RPL37: variants seen among roughly 807,000 people sequenced by gnomAD.
The protein encoded by RPL37 is ribosomal protein L37.
A neutral mutation model predicts 14.8 loss-of-function variants in RPL37; 1 was observed. The observed-to-expected ratio is 0.07, with a 90% CI of 0.02 to 0.32. The LOEUF (loss-of-function observed/expected upper bound fraction) is 0.32, where lower values mean the gene tolerates loss of function less well. RPL37 is among the 10% of genes least tolerant of loss of function. RPL37 has a pLI of 1.00. For missense variants in RPL37, 100 were observed against 128.3 expected, an observed-to-expected ratio of 0.78 and a Z score of 1.06; for synonymous variants, 53 against 45.8, an observed-to-expected ratio of 1.16 and a Z score of -0.63.
chr5:40,832,721 C>T (rs1317030467), intron 3 of RPL37, 148 bp from the exon 4 acceptor site: 1 of 765,468 alleles, frequency 1.3e-6, no homozygotes, highest in Admixed American at 1.7e-5. Context: ...ATTTTTACAA[C>T]ATCACTGATA....
rs1745719831 is a variant in RPL37 at position 40,834,526 on chromosome 5, G to A, written c.84C>T (p.His28=). Residue 28 remains histidine, a synonymous_variant, in exon 2 of 4, where the codon CAC becomes CAT. Transcript: ENST00000274242. ...LCRRCGSKAY[H]LQKSTCGKCG... is the part of the protein sequence containing the mutation. ...ATTTGCCACAGGTCGACTTCTGAAGGTGGTAGGCCTTAGAGCCACAGCGGC... is the reference window on the plus strand; with the variant it reads ...ATTTGCCACAGGTCGACTTCTGAAGATGGTAGGCCTTAGAGCCACAGCGGC... 6.2e-7 allele frequency: 1 copy of A among 1,614,048 alleles called. No homozygotes were observed. Among genetic ancestry groups the A allele is most frequent in the African/African-American group, 1.3e-5 (1 of 74,932 alleles).
At position 40,827,147 on chromosome 5, in the gene RPL37, G is replaced by C. The variant is rs1745534098; in HGVS notation, c.*5357C>G. 1 of 152,160 alleles carries C rather than the reference G, an allele frequency of 6.6e-6. No individual in the cohort carries two copies. The highest frequency in any genetic ancestry group is 1.9e-4 in the East Asian group (1 of 5,190). The allele number at this position is 152,160 out of a possible 1,614,324, so 9.4% of individuals were successfully genotyped here. A position where few individuals can be genotyped will look rare whatever the true frequency, so the allele number is the denominator to read the frequency against. ...TACCCAGCAGGGAACCTCCAAAGAG[G>C]TCATACAAATGCCTGAGACAGAAAA... On this transcript the variant is annotated 3_prime_UTR_variant, in exon 4 of 4. Transcript: ENST00000274242.
At position 40,831,626 on chromosome 5, in the gene RPL37, C is replaced by G. The variant is rs561195839; in HGVS notation, c.*878G>C. 1 of 152,388 alleles carries G rather than the reference C, an allele frequency of 6.6e-6. No homozygotes were observed. The highest frequency in any genetic ancestry group is 6.5e-5 in the Admixed American group (1 of 15,294). The allele number at this position is 152,388 out of a possible 1,614,324, so 9.4% of individuals were successfully genotyped here. ...CATGTTCCCTTCAACTGCCCCTGCC[C>G]TCTCACTCAGCAGTCCAGTTGACTT... is the stretch of plus-strand genomic sequence containing the variant. On this transcript the variant is annotated 3_prime_UTR_variant, in exon 4 of 4. Coordinates refer to ENST00000274242, the MANE Select transcript of RPL37 (RefSeq NM_000997.5).
At chr5:40,834,957 G>A (rs1026916552) in intron 1 of RPL37, 2 of 646,292 alleles carry the variant, frequency 3.1e-6, no homozygotes, top group Non-Finnish European at 5.4e-6. Context: ...AGGTTGGACC[G>A]AGGCAAAGGA....
rs553290503 is a variant in RPL37, at chr5:40,826,354, A to G, written c.*6150T>C. 3.9e-5 allele frequency: 6 copies of G among 151,998 alleles called. No homozygotes were observed. The highest frequency in any genetic ancestry group is 4.2e-4 in the South Asian group (2 of 4,814). The allele number at this position is 151,998 out of a possible 1,614,324, so 9.4% of individuals were successfully genotyped here. On this transcript the variant is annotated 3_prime_UTR_variant, in exon 4 of 4. Coordinates refer to ENST00000274242, the MANE Select transcript of RPL37 (RefSeq NM_000997.5). The stretch of plus-strand genomic sequence containing the variant: ...TTTTCAGTTTTTATCATTATTTATT[A>G]TTTTATTTTTTATATCCCAGCCCTC...
At chr5:40,834,684 T>G in intron 1 of RPL37, 78 bp from the exon 2 acceptor site, 1 of 1,472,514 alleles carries the variant, frequency 6.8e-7, no homozygotes, top group Non-Finnish European at 9.1e-7. Context: ...AACCAATTAC[T>G]GATAAAATTT....
In RPL37 at chr5:40,828,122, A is replaced by C. The variant is rs1010032292; in HGVS notation, c.*4382T>G. On this transcript the variant is annotated 3_prime_UTR_variant, in exon 4 of 4. Coordinates refer to ENST00000274242, the MANE Select transcript of RPL37 (RefSeq NM_000997.5). Reference sequence around the variant, plus strand: ...CAAAATTAAGTTTCAATTACAGGCAAGGTTAAACTCTGCAAGCAACCCAAA... The same window carrying C: ...CAAAATTAAGTTTCAATTACAGGCACGGTTAAACTCTGCAAGCAACCCAAA... 1.3e-5 allele frequency: 2 copies of C among 152,228 alleles called. No individual in the cohort carries two copies. The highest frequency in any genetic ancestry group is 2.1e-4 in the South Asian group (1 of 4,836). The allele number at this position is 152,228 out of a possible 1,614,324, so 9.4% of individuals were successfully genotyped here.
chr5:40,825,452 G>A lies in RPL37; in HGVS notation c.*7052C>T, dbSNP rs1158360154. The A allele has an allele frequency of 3.9e-5, 6 of 152,122 alleles. No individual in the cohort carries two copies. The highest frequency in any genetic ancestry group is 3.9e-4 in the East Asian group (2 of 5,182). 9.4% of individuals were successfully genotyped at this position (152,122 alleles called of 1,614,324 possible). A position where few individuals can be genotyped will look rare whatever the true frequency, so the allele number is the denominator to read the frequency against. Reference sequence around the variant, plus strand: ...GTGCTGTGCTGCCTCACAGGGGTACGTTCCCAGAGGTTTCTCTCTCTAGAG... The same window carrying A: ...GTGCTGTGCTGCCTCACAGGGGTACATTCCCAGAGGTTTCTCTCTCTAGAG... On this transcript the variant is annotated 3_prime_UTR_variant, in exon 4 of 4. Transcript: ENST00000274242.
chr5:40,831,710 A>T lies in RPL37; in HGVS notation c.*794T>A, dbSNP rs1032138238. 4 of 152,270 alleles carry T rather than the reference A, an allele frequency of 2.6e-5. No homozygotes were observed. Among genetic ancestry groups the T allele is most frequent in the African/African-American group, 9.7e-5 (4 of 41,428 alleles). The allele number at this position is 152,270 out of a possible 1,614,324, so 9.4% of individuals were successfully genotyped here. On this transcript the variant is annotated 3_prime_UTR_variant, in exon 4 of 4. Transcript: ENST00000274242. The stretch of plus-strand genomic sequence containing the variant: ...CCAACCCTGTCAATAAACCACGAAA[A>T]CTAGGAAGGCACGACAGCAAGTTTC...
rs551011349 is a variant in RPL37 at position 40,832,120 on chromosome 5, A to G, written c.*384T>C. 4.0e-5 allele frequency: 9 copies of G among 224,222 alleles called. No homozygotes were observed. In the East Asian group the frequency reaches 7.3e-4, roughly 18 times the overall value. The allele number at this position is 224,222 out of a possible 1,614,324, so 13.9% of individuals were successfully genotyped here. On this transcript the variant is annotated 3_prime_UTR_variant, in exon 4 of 4. Transcript: ENST00000274242. ...ACTAATAATCATCCCCCTAGTCATG[A>G]CAGCATAGCAGATGAACATGTTGCT...
rs762079131 is a variant in RPL37, at chr5:40,825,302, C to G, written c.*7202G>C. On this transcript the variant is annotated 3_prime_UTR_variant, in exon 4 of 4. Coordinates refer to ENST00000274242, the MANE Select transcript of RPL37 (RefSeq NM_000997.5). Reference sequence around the variant, plus strand: ...TCTTTATTAAAGAAATGCATTCCAGCAACACTGTCAGCATCTTTATTACCA... The same window carrying G: ...TCTTTATTAAAGAAATGCATTCCAGGAACACTGTCAGCATCTTTATTACCA... 2.0e-5 allele frequency: 3 copies of G among 152,146 alleles called. No individual in the cohort carries two copies. The highest frequency in any genetic ancestry group is 4.8e-5 in the African/African-American group (2 of 41,424). 9.4% of individuals were successfully genotyped at this position (152,146 alleles called of 1,614,324 possible). A position where few individuals can be genotyped will look rare whatever the true frequency, so the allele number is the denominator to read the frequency against.
In RPL37 at chr5:40,830,499, G is replaced by A. The variant is rs901254475; in HGVS notation, c.*2005C>T. 7.6e-6 allele frequency: 1 copy of A among 132,076 alleles called. No individual in the cohort carries two copies. Among genetic ancestry groups the A allele is most frequent in the African/African-American group, 3.1e-5 (1 of 32,686 alleles). 8.2% of individuals were successfully genotyped at this position (132,076 alleles called of 1,614,324 possible). ...TGAAAATTTGAGTCATTAGTTCAAG[G>A]ATTTTTTTTTTTTTTTGAGGTGGAG... On this transcript the variant is annotated 3_prime_UTR_variant, in exon 4 of 4. Transcript: ENST00000274242.
rs1230910355 is a variant in RPL37 at position 40,828,960 on chromosome 5, T to C, written c.*3544A>G. On this transcript the variant is annotated 3_prime_UTR_variant, in exon 4 of 4. Transcript: ENST00000274242. ...TCTTACTTTGAGACTCTAAATTATC[T>C]TTTTGTTTTTGGAGTCTGTAAATTC... The C allele has an allele frequency of 6.6e-6, 1 of 152,106 alleles. No homozygotes were observed. Among genetic ancestry groups the C allele is most frequent in the Non-Finnish European group, 1.5e-5 (1 of 68,022 alleles). The allele number at this position is 152,106 out of a possible 1,614,324, so 9.4% of individuals were successfully genotyped here.
Position 40,831,422 on chromosome 5 carries a change from C to T in RPL37, c.*1082G>A, listed in dbSNP as rs145074065. 415 of 152,408 alleles carry T rather than the reference C, an allele frequency of 2.7e-3. No homozygotes were observed. The highest frequency in any genetic ancestry group is 9.5e-3 in the African/African-American group (395 of 41,552). The allele number at this position is 152,408 out of a possible 1,614,324, so 9.4% of individuals were successfully genotyped here. Reference sequence around the variant, plus strand: ...GAAGGGTAAATTAGGAGTTAAAATACAAGATGAGAGTAGCAATTAGCTAGC... The same window carrying T: ...GAAGGGTAAATTAGGAGTTAAAATATAAGATGAGAGTAGCAATTAGCTAGC... On this transcript the variant is annotated 3_prime_UTR_variant, in exon 4 of 4. Transcript: ENST00000274242.
rs1443314529 is a variant in RPL37, at chr5:40,830,563, C to G, written c.*1941G>C. ...CCAGGCTGGAGCACAGTGGCATGAT[C>G]TCAGCTCACTGCAACCTCTGCCTCC... On this transcript the variant is annotated 3_prime_UTR_variant, in exon 4 of 4. Coordinates refer to ENST00000274242, the MANE Select transcript of RPL37 (RefSeq NM_000997.5). 6.7e-6 allele frequency: 1 copy of G among 150,268 alleles called. No individual in the cohort carries two copies. The highest frequency in any genetic ancestry group is 1.5e-5 in the Non-Finnish European group (1 of 68,152). 9.3% of individuals were successfully genotyped at this position (150,268 alleles called of 1,614,324 possible).
In RPL37 at chr5:40,830,610, C is replaced by T. The variant is rs541675451; in HGVS notation, c.*1894G>A. On this transcript the variant is annotated 3_prime_UTR_variant, in exon 4 of 4. Transcript: ENST00000274242. ...CTCCCAGGTTCAAGCGATTCTCCTG[C>T]CTCAGCCTCTCAAGTAGCTAAGACT... 4.6e-5 allele frequency: 7 copies of T among 152,872 alleles called. No individual in the cohort carries two copies. The South Asian group carries it at 6.2e-4, about 14-fold the overall frequency. 9.5% of individuals were successfully genotyped at this position (152,872 alleles called of 1,614,324 possible).
rs772138730 is a variant in RPL37, at chr5:40,835,179, T to C, written c.3+4A>G. ...GATTCACAAACACCACAGTCACAAC[T>C]CACCATCTCGCTTCTGCGGCCGAGA... is the stretch of plus-strand genomic sequence containing the variant. On this transcript the variant is annotated splice_donor_region_variant and intron_variant, in intron 1 of 3. Coordinates refer to ENST00000274242, the MANE Select transcript of RPL37 (RefSeq NM_000997.5). 1.2e-5 allele frequency: 20 copies of C among 1,613,944 alleles called. 1 individual carries two copies. The East Asian group carries it at 1.6e-4, about 13-fold the overall frequency.
At position 40,834,559 on chromosome 5, in the gene RPL37, C is replaced by G. The variant is rs1175652867; in HGVS notation, c.51G>C (p.Thr17=). The G allele has an allele frequency of 1.2e-6, 2 of 1,614,016 alleles. No homozygotes were observed. Among genetic ancestry groups the G allele is most frequent in the Non-Finnish European group, 8.5e-7 (1 of 1,180,022 alleles). Residue 17 remains threonine (T), a synonymous_variant, in exon 2 of 4, where the codon ACG becomes ACC. Coordinates refer to ENST00000274242, the MANE Select transcript of RPL37 (RefSeq NM_000997.5). ...SFGKRRNKTH[T]LCRRCGSKAY... is the part of the protein sequence containing the mutation. ...CCTTAGAGCCACAGCGGCGGCACAA[C>G]GTGTGCGTCTTATTGCGACGCTTTC...
Position 40,826,517 on chromosome 5 carries a change from T to C in RPL37, c.*5987A>G, listed in dbSNP as rs1301700432. ...CAGCCTTCTTGGACAAAGGAGTTAC[T>C]ACCTTCTACTTTGAAACCCAGTGAA... On this transcript the variant is annotated 3_prime_UTR_variant, in exon 4 of 4. Coordinates refer to ENST00000274242, the MANE Select transcript of RPL37 (RefSeq NM_000997.5). The C allele has an allele frequency of 7.5e-6, 1 of 133,784 alleles. No individual in the cohort carries two copies. The highest frequency in any genetic ancestry group is 2.0e-4 in the East Asian group (1 of 4,920). 8.3% of individuals were successfully genotyped at this position (133,784 alleles called of 1,614,324 possible). A position where few individuals can be genotyped will look rare whatever the true frequency, so the allele number is the denominator to read the frequency against.
Sources: gnomAD v4.1 joint callset for allele counts on GRCh38, gnomAD v4.1.1 for gene constraint, MANE v1.5 for transcripts, NCBI Gene and HGNC (gene_info 2026-07-23, HGNC 2026-07-21) for gene names.